FHOD3: variants seen among roughly 807,000 people sequenced by gnomAD.
The protein encoded by FHOD3 is formin homology 2 domain containing 3.
A neutral mutation model predicts 173.0 loss-of-function variants in FHOD3; 90 were observed. The ratio of observed to expected loss-of-function variants is 0.52; its 90% CI spans 0.44 to 0.62. The LOEUF (loss-of-function observed/expected upper bound fraction) is 0.62. Among genes scored for constraint, FHOD3 ranks in the 20% least tolerant of loss-of-function variants. The pLI is 0.00. For missense variants in FHOD3, 1,945 were observed against 2,034.7 expected, an observed-to-expected ratio of 0.96 and a Z score of 0.85; for synonymous variants, 828 against 823.0, an observed-to-expected ratio of 1.01 and a Z score of -0.10.
intron 3 of FHOD3, among the ~76,000 whole-genome samples, chr18:36,420,971 C>A (rs1292696472): frequency 2.6e-5 from 4 of 152,186 alleles, no homozygotes; most frequent in African/African-American, 9.7e-5. Context: ...TTCACCCCCA[C>A]CCTCTCTTAC....
chr18:36,645,771 A>G (rs1342580452), intron 10 of FHOD3, among the ~76,000 whole-genome samples: 1 of 152,208 alleles, frequency 6.6e-6, no homozygotes, highest in Non-Finnish European at 1.5e-5. Flanking sequence ...AAGTTTATTC[A>G]TGGTATGCAA....
intron 14 of FHOD3, among the ~76,000 whole-genome samples, chr18:36,673,766 C>CT (rs1398017116): frequency 6.6e-6 from 1 of 152,110 alleles, no homozygotes; most frequent in Non-Finnish European, 1.5e-5. Flanking sequence ...CCCCTTTCTT[C>CT]TGTTGCATCC....
intron 1 of FHOD3, among the ~76,000 whole-genome samples, chr18:36,306,156 C>T (rs928192820): frequency 6.6e-6 from 1 of 152,204 alleles, no homozygotes; most frequent in East Asian, 1.9e-4. Flanking sequence ...TATGTGCTTG[C>T]AGCTGGAAGG....
At chr18:36,676,221 A>G (rs1600196763) in intron 14 of FHOD3, among the ~76,000 whole-genome samples, 1 of 152,352 alleles carries the variant, frequency 6.6e-6, no homozygotes, top group East Asian at 1.9e-4. Context: ...TATGAAATGT[A>G]CATGTATCAC....
chr18:36,754,045 G>T (rs531907047), intron 24 of FHOD3, among the ~76,000 whole-genome samples: 2 of 152,222 alleles, frequency 1.3e-5, no homozygotes, highest in South Asian at 2.1e-4. Context: ...TAAGTTTAAT[G>T]AAGTCCAGTT....
chr18:36,394,470 A>G (rs7229634), intron 3 of FHOD3, among the ~76,000 whole-genome samples: 25,875 of 152,160 alleles, frequency 0.17, 2,356 homozygotes, highest in Middle Eastern at 0.34. Context: ...ACCCCGCAGC[A>G]CTAGATGGGG....
intron 2 of FHOD3, among the ~76,000 whole-genome samples, chr18:36,357,939 AG>A (rs1329949627): frequency 9.2e-5 from 14 of 152,222 alleles, no homozygotes; most frequent in Admixed American, 2.6e-4. Flanking sequence ...TATTGATAAA[AG>A]CAATAAGAAT....
chr18:36,454,688 C>T (rs2052066049), intron 3 of FHOD3, among the ~76,000 whole-genome samples: 1 of 150,894 alleles, frequency 6.6e-6, no homozygotes, highest in Admixed American at 6.6e-5. Context: ...AGACGTTTAA[C>T]CTGGAGCCCA....
intron 9 of FHOD3, among the ~76,000 whole-genome samples, chr18:36,617,290 A>C (rs2033282597): frequency 6.6e-6 from 1 of 152,244 alleles, no homozygotes; most frequent in Admixed American, 6.5e-5. Flanking sequence ...CATCAGCCAG[A>C]TGCTTTAGCT....
At chr18:36,638,442 G>A (rs879443936) in intron 10 of FHOD3, among the ~76,000 whole-genome samples, 3 of 152,158 alleles carry the variant, frequency 2.0e-5, no homozygotes, top group African/African-American at 7.2e-5. Context: ...CACAGAGTCC[G>A]GTTATTAGTC....
At chr18:36,371,318 A>G (rs2047176567) in intron 2 of FHOD3, among the ~76,000 whole-genome samples, 1 of 152,236 alleles carries the variant, frequency 6.6e-6, no homozygotes, top group South Asian at 2.1e-4. Flanking sequence ...GGTAATTTAT[A>G]AAGAAAAAGA....
intron 5 of FHOD3, among the ~76,000 whole-genome samples, chr18:36,566,342 G>A (rs548832595): frequency 5.9e-5 from 9 of 152,198 alleles, no homozygotes; most frequent in Non-Finnish European, 1.3e-4. Flanking sequence ...GTCTAGCTCT[G>A]TTTGTAGAAT....
intron 17 of FHOD3, among the ~76,000 whole-genome samples, chr18:36,696,624 G>T (rs991303735): frequency 6.6e-6 from 1 of 152,192 alleles, no homozygotes; most frequent in Non-Finnish European, 1.5e-5. Context: ...TATAACTTTT[G>T]TATGAATGAT....
chr18:36,388,984 G>T (rs558780273), intron 3 of FHOD3, among the ~76,000 whole-genome samples: 1 of 151,778 alleles, frequency 6.6e-6, no homozygotes, highest in Non-Finnish European at 1.5e-5. Context: ...TGAGCAGGAT[G>T]GGGGGGCCCT....
intron 3 of FHOD3, among the ~76,000 whole-genome samples, chr18:36,441,016 G>A (rs1041354482): frequency 6.6e-6 from 1 of 152,084 alleles, no homozygotes; most frequent in Non-Finnish European, 1.5e-5. Flanking sequence ...TATACTTTTT[G>A]CTTTTTTATA....
chr18:36,526,917 T>C (rs1264423353), intron 5 of FHOD3, among the ~76,000 whole-genome samples: 3 of 152,258 alleles, frequency 2.0e-5, no homozygotes, highest in Admixed American at 6.5e-5. Flanking sequence ...AGATTCCCTC[T>C]ATATCAGTCG....
At chr18:36,433,484 A>T (rs1000583190) in intron 3 of FHOD3, among the ~76,000 whole-genome samples, 1 of 152,218 alleles carries the variant, frequency 6.6e-6, no homozygotes. Context: ...AAATAGGTTA[A>T]CAAATTTATT....
intron 28 of FHOD3, among the ~76,000 whole-genome samples, chr18:36,769,845 C>T (rs2043299103): frequency 6.6e-6 from 1 of 152,110 alleles, no homozygotes; most frequent in Admixed American, 6.5e-5. Context: ...AGACTGGCCT[C>T]TCCTGGGTTC....
At chr18:36,473,576 G>C (rs1397075369) in intron 3 of FHOD3, among the ~76,000 whole-genome samples, 2 of 152,150 alleles carry the variant, frequency 1.3e-5, no homozygotes, top group African/African-American at 4.8e-5. Flanking sequence ...TTCAAGTTGA[G>C]GGGAATTTTT....
Sources: gnomAD v4.1 joint callset for allele counts (sites outside exome capture counted in the v4.1 genomes callset) on GRCh38, gnomAD v4.1.1 for gene constraint, MANE v1.5 for transcripts, NCBI Gene and HGNC (gene_info 2026-07-23, HGNC 2026-07-21) for gene names.